The following ALDH1A3 variants were observed in gnomAD, a reference collection of about 807,000 sequenced individuals.
The protein encoded by ALDH1A3 is aldehyde dehydrogenase 1 family member A3.
A neutral mutation model predicts 57.5 loss-of-function variants in ALDH1A3; 28 were observed. That is an observed-to-expected ratio of 0.49 (90% CI 0.36 to 0.67). The LOEUF is 0.67. ALDH1A3 is among the 30% of genes least tolerant of loss of function. The probability of loss-of-function intolerance (pLI) is 0.00; values close to 1 mark genes in which losing one functional copy is unlikely to be tolerated. For synonymous variants in ALDH1A3, 281 were observed against 264.8 expected, an observed-to-expected ratio of 1.06 and a Z score of -0.59; for missense variants, 507 against 669.4, an observed-to-expected ratio of 0.76 and a Z score of 2.68.
intron 2 of ALDH1A3, 23 bp downstream of exon 2, chr15:100,885,394 C>T (rs374866194): frequency 5.2e-6 from 8 of 1,538,848 alleles, no homozygotes; most frequent in Non-Finnish European, 5.4e-6. Flanking sequence ...AATAAATTTG[C>T]TCTAAGTAAT....
intron 11 of ALDH1A3, among the ~76,000 whole-genome samples, chr15:100,907,923 A>G (rs1471907649): frequency 7.8e-6 from 1 of 128,462 alleles, no homozygotes; most frequent in Non-Finnish European, 1.5e-5. Context: ...CTCTCGGCTC[A>G]CTGCAACCTC....
At chr15:100,905,804 CTGT>C in intron 10 of ALDH1A3, 117 bp downstream of exon 10, 1 of 1,129,350 alleles carries the variant, frequency 8.9e-7, no homozygotes, top group Non-Finnish European at 1.2e-6. Flanking sequence ...GTTTTTGTTG[CTGT>C]TGTTGTCGTT....
At chr15:100,892,849 C>T (rs2041663748) in intron 4 of ALDH1A3, 96 bp from the exon 5 acceptor site, 5 of 1,405,498 alleles carry the variant, frequency 3.6e-6, no homozygotes, top group Non-Finnish European at 4.9e-6. Flanking sequence ...TTGAATCTGG[C>T]ACCCTTGTTG....
At chr15:100,890,073 G>A (rs2141552394) in intron 3 of ALDH1A3, among the ~76,000 whole-genome samples, 1 of 152,310 alleles carries the variant, frequency 6.6e-6, no homozygotes, top group Middle Eastern at 3.4e-3. Context: ...CTTTGCTGGG[G>A]CACCCAGGCC....
At chr15:100,908,372 C>G in intron 11 of ALDH1A3, 36 bp from the exon 12 acceptor site, 1 of 1,584,614 alleles carries the variant, frequency 6.3e-7, no homozygotes, top group Non-Finnish European at 8.7e-7. Context: ...GGGGTCTTCT[C>G]CAGATGACTC....
chr15:100,902,368 G>C (rs534059310), intron 9 of ALDH1A3, among the ~76,000 whole-genome samples: 1 of 152,262 alleles, frequency 6.6e-6, no homozygotes, highest in African/African-American at 2.4e-5. Context: ...AATGCTGTTG[G>C]GGTTTCTTTT....
At chr15:100,886,181 C>T (rs1312685759) in intron 2 of ALDH1A3, among the ~76,000 whole-genome samples, 5 of 152,208 alleles carry the variant, frequency 3.3e-5, no homozygotes, top group African/African-American at 7.2e-5. Flanking sequence ...TTGTGACAGA[C>T]GTGCAAATGC....
intron 8 of ALDH1A3, 26 bp downstream of exon 8, chr15:100,898,211 G>C (rs1248775476): frequency 6.2e-7 from 1 of 1,602,188 alleles, no homozygotes; most frequent in East Asian, 2.2e-5. Flanking sequence ...CCTGGGCTTT[G>C]CTGGGGCTTC....
chr15:100,895,721 C>T (rs750644401), intron 6 of ALDH1A3: 100 of 579,908 alleles, frequency 1.7e-4, no homozygotes, highest in Non-Finnish European at 2.6e-4. Flanking sequence ...CTCCCCTTGC[C>T]CAGCCTGCAC....
chr15:100,894,255 C>T lies in ALDH1A3; in HGVS notation c.666+173C>T. On this transcript the variant is annotated intron_variant, in intron 6 of 12. Coordinates refer to ENST00000329841, the MANE Select transcript of ALDH1A3 (RefSeq NM_000693.4). The surrounding 1 kb of genome is among the most constrained non-coding windows in gnomAD (Gnocchi z 4.5). ...ACGTTCTTTCTCCTGCTTGTGGCCA[C>T]TGAGCTGGAGAAACTCCATTCCTCC... The T allele has an allele frequency of 1.3e-6, 1 of 757,166 alleles. No homozygotes were observed. Among genetic ancestry groups the T allele is most frequent in the Non-Finnish European group, 2.1e-6 (1 of 481,144 alleles). 46.9% of individuals were successfully genotyped at this position (757,166 alleles called of 1,614,324 possible).
Position 100,914,804 on chromosome 15 carries a change from G to A in ALDH1A3, c.*31G>A, listed in dbSNP as rs4646690. The A allele has an allele frequency of 4.2e-5, 68 of 1,605,890 alleles. No homozygotes were observed. Among genetic ancestry groups the A allele is most frequent in the East Asian group, 4.0e-4 (18 of 44,842 alleles). On this transcript the variant is annotated 3_prime_UTR_variant, in exon 13 of 13. Transcript: ENST00000329841. ...AGGCGGGGCTCCTTCCTCAAACATC[G>A]GACGGCGGAATGTGGCAGATGAAAT...
In ALDH1A3 at chr15:100,916,562, G is replaced by A. The variant is rs182899837; in HGVS notation, c.*1789G>A. On this transcript the variant is annotated 3_prime_UTR_variant, in exon 13 of 13. Coordinates refer to ENST00000329841, the MANE Select transcript of ALDH1A3 (RefSeq NM_000693.4). ...AAAAATCTATAGGCCTGGGAATTCC[G>A]ATCCTAGCTGCAGATCGCATCCCAC... is the stretch of plus-strand genomic sequence containing the variant. The A allele has an allele frequency of 4.6e-5, 7 of 152,330 alleles. No individual in the cohort carries two copies. Among genetic ancestry groups the A allele is most frequent in the Admixed American group, 2.0e-4 (3 of 15,300 alleles). 9.4% of individuals were successfully genotyped at this position (152,330 alleles called of 1,614,324 possible). A position where few individuals can be genotyped will look rare whatever the true frequency, so the allele number is the denominator to read the frequency against.
chr15:100,882,329 G>A (rs746099874), intron 1 of ALDH1A3, among the ~76,000 whole-genome samples: 1 of 152,170 alleles, frequency 6.6e-6, no homozygotes, highest in Admixed American at 6.5e-5. Flanking sequence ...CCCCTCCAGG[G>A]TCCCCACACA....
rs1251718911 is a variant in ALDH1A3, at chr15:100,887,570, A to G, written c.205-2A>G. ...TCTCTCTCTGTTGTTCTGGTCGCTC[A>G]GCCCGACGTGGACAAGGCTGTGGAG... On this transcript the variant is annotated splice_acceptor_variant, in intron 2 of 12. Transcript: ENST00000329841. LOFTEE classifies it high-confidence loss of function. The surrounding 1 kb of genome is among the most constrained non-coding windows in gnomAD (Gnocchi z 4.6). The G allele has an allele frequency of 4.4e-6, 7 of 1,580,706 alleles. No individual in the cohort carries two copies. Among genetic ancestry groups the G allele is most frequent in the Non-Finnish European group, 6.0e-6 (7 of 1,161,358 alleles).
At chr15:100,891,948 G>A (rs946925856) in intron 3 of ALDH1A3, 2 of 155,558 alleles carry the variant, frequency 1.3e-5, no homozygotes, top group Non-Finnish European at 2.9e-5. Context: ...CAGGAGGGAA[G>A]GATTGCATCT....
At chr15:100,897,216 A>G (rs1449890475) in intron 7 of ALDH1A3, among the ~76,000 whole-genome samples, 1 of 152,210 alleles carries the variant, frequency 6.6e-6, no homozygotes, top group African/African-American at 2.4e-5. Flanking sequence ...GAGCTTGCTG[A>G]TGTTTAAAAT....
chr15:100,882,387 T>G (rs547490153), intron 1 of ALDH1A3, among the ~76,000 whole-genome samples: 10 of 152,366 alleles, frequency 6.6e-5, no homozygotes, highest in African/African-American at 2.4e-4. Context: ...CCTCTTTCTT[T>G]CCTTATAAAA....
Position 100,892,617 on chromosome 15 carries a change from C to G in ALDH1A3, c.453C>G (p.Ile151Met). The part of the protein sequence containing the change: ...LRYFAGWADK[I>M]QGKTIPTDDN... ...ACTTTGCAGGGTGGGCAGACAAAATCCAGGGCAAGACCATCCCCACAGGTG... is the reference window on the plus strand; with the variant it reads ...ACTTTGCAGGGTGGGCAGACAAAATGCAGGGCAAGACCATCCCCACAGGTG... Residue 151 changes from isoleucine to methionine, a missense_variant, in exon 4 of 13, where the codon ATC becomes ATG. This residue lies in a region of ALDH1A3 where 432 missense variants were observed against 608.4 expected (regional missense o/e 0.71). Coordinates refer to ENST00000329841, the MANE Select transcript of ALDH1A3 (RefSeq NM_000693.4). 6.2e-7 allele frequency: 1 copy of G among 1,613,062 alleles called. No individual in the cohort carries two copies. The highest frequency in any genetic ancestry group is 2.2e-5 in the East Asian group (1 of 44,860).
At chr15:100,898,343 G>A (rs578158661) in intron 8 of ALDH1A3, among the ~76,000 whole-genome samples, 158 bp downstream of exon 8, 5 of 152,340 alleles carry the variant, frequency 3.3e-5, no homozygotes, top group South Asian at 4.1e-4. Flanking sequence ...TCAGCCAGCC[G>A]CAGACAGGCA....
Sources: gnomAD v4.1 joint callset for allele counts (sites outside exome capture counted in the v4.1 genomes callset) on GRCh38, gnomAD v4.1.1 for gene constraint, gnomAD v4.1.1 regional missense constraint, Gnocchi (gnomAD v3.1) non-coding constraint, MANE v1.5 for transcripts, NCBI Gene and HGNC (gene_info 2026-07-23, HGNC 2026-07-21) for gene names.